RBFOX1: variants seen among roughly 807,000 people sequenced by gnomAD.
The protein encoded by RBFOX1 is RNA binding fox-1 homolog 1.
RBFOX1 carries 8 observed loss-of-function variants against 57.7 expected under a neutral mutation model. The ratio of observed to expected loss-of-function variants is 0.14; its 90% CI spans 0.08 to 0.25. The LOEUF is 0.25. Among genes scored for constraint, RBFOX1 ranks in the 10% least tolerant of loss-of-function variants. The probability of loss-of-function intolerance (pLI) is 1.00; values close to 1 mark genes in which losing one functional copy is unlikely to be tolerated. For missense variants in RBFOX1, 611 were observed against 548.5 expected, an observed-to-expected ratio of 1.11 and a Z score of -1.14; for synonymous variants, 326 against 222.4, an observed-to-expected ratio of 1.47 and a Z score of -4.15.
chr16:7,082,224 C>A (rs749838957), intron 4 of RBFOX1, among the ~76,000 whole-genome samples: 14 of 152,090 alleles, frequency 9.2e-5, no homozygotes, highest in Non-Finnish European at 1.8e-4. Context: ...ATGAATCTAC[C>A]TTCTCAGGAG....
intron 3 of RBFOX1, among the ~76,000 whole-genome samples, chr16:6,724,298 C>T: frequency 6.6e-6 from 1 of 151,426 alleles, no homozygotes; most frequent in East Asian, 2.0e-4. Flanking sequence ...TAACCTCTGC[C>T]TCCTGGCTTC....
intron 1 of RBFOX1, among the ~76,000 whole-genome samples, chr16:5,302,355 C>T (rs1221053545): frequency 6.6e-6 from 1 of 152,168 alleles, no homozygotes; most frequent in African/African-American, 2.4e-5. Context: ...GCAGCAGCAG[C>T]ATATGGTCTC....
intron 2 of RBFOX1, among the ~76,000 whole-genome samples, chr16:5,576,212 C>G (rs942070479): frequency 3.3e-5 from 5 of 152,064 alleles, no homozygotes; most frequent in African/African-American, 1.2e-4. Context: ...TTCTCAAACT[C>G]CTGACCTCAA....
At chr16:6,964,741 T>A (rs1028112225) in intron 3 of RBFOX1, among the ~76,000 whole-genome samples, 2 of 152,208 alleles carry the variant, frequency 1.3e-5, no homozygotes, top group African/African-American at 4.8e-5. Context: ...CACTTGTCCC[T>A]GCAATTCCTG....
At position 7,709,110 on chromosome 16, in the gene RBFOX1, C is replaced by T; in HGVS notation, c.1050C>T (p.Pro350=). Residue 350 remains proline (P), a synonymous_variant, in exon 15 of 16, where the codon CCC becomes CCT. Transcript: ENST00000550418. ...ACCACCACGCACTTGCTCCAGCCCC[C>T]ACCTACGGCGTTGGTGCCATGGTGA... The part of the protein sequence containing the change: ...DPYHHALAPA[P]TYGVGAMNAF... 7 of 1,613,794 alleles carry T rather than the reference C, an allele frequency of 4.3e-6. No homozygotes were observed. Among genetic ancestry groups the T allele is most frequent in the Non-Finnish European group, 5.9e-6 (7 of 1,179,784 alleles).
chr16:5,363,492 A>G (rs193166425), intron 1 of RBFOX1, among the ~76,000 whole-genome samples: 155 of 152,194 alleles, frequency 1.0e-3, no homozygotes, highest in African/African-American at 3.5e-3. Flanking sequence ...CATTTTCTCA[A>G]AAGTCCCATG....
chr16:5,970,935 A>G (rs1452484809), intron 4 of RBFOX1, among the ~76,000 whole-genome samples: 1 of 152,228 alleles, frequency 6.6e-6, no homozygotes, highest in African/African-American at 2.4e-5. Flanking sequence ...CCTAAAGCAC[A>G]TATCCCAAAC....
chr16:5,780,259 C>T (rs1332885862), intron 3 of RBFOX1, among the ~76,000 whole-genome samples: 4 of 152,222 alleles, frequency 2.6e-5, no homozygotes, highest in Non-Finnish European at 4.4e-5. Flanking sequence ...ATCTCTGCCT[C>T]CCAAAGTGTT....
At chr16:5,889,798 G>A (rs2058001645) in intron 4 of RBFOX1, among the ~76,000 whole-genome samples, 1 of 152,214 alleles carries the variant, frequency 6.6e-6, no homozygotes, top group Admixed American at 6.5e-5. Context: ...AGAGATGTAG[G>A]TGTTGGCAAG....
intron 5 of RBFOX1, among the ~76,000 whole-genome samples, chr16:7,534,354 A>C (rs1189956508): frequency 6.6e-6 from 1 of 151,900 alleles, no homozygotes; most frequent in Non-Finnish European, 1.5e-5. Context: ...CAGCCTACCA[A>C]AGTGCTGGGA....
intron 4 of RBFOX1, among the ~76,000 whole-genome samples, chr16:7,169,153 T>C (rs1223755460): frequency 6.6e-6 from 1 of 152,194 alleles, no homozygotes; most frequent in South Asian, 2.1e-4. Flanking sequence ...CACCAATAAT[T>C]GTTTCAAATT....
At chr16:7,489,983 C>T (rs1206014408) in intron 4 of RBFOX1, among the ~76,000 whole-genome samples, 2 of 152,108 alleles carry the variant, frequency 1.3e-5, no homozygotes, top group Non-Finnish European at 2.9e-5. Flanking sequence ...TCAGATGTGT[C>T]TCTCTCCAAA....
intron 3 of RBFOX1, among the ~76,000 whole-genome samples, chr16:5,792,659 G>A (rs2880433): frequency 0.75 from 114,653 of 151,974 alleles, 43,534 homozygotes; most frequent in East Asian, 0.99. Flanking sequence ...CCTGGCCAAC[G>A]TGCTGAAACC....
intron 3 of RBFOX1, among the ~76,000 whole-genome samples, chr16:6,707,581 G>A (rs959132681): frequency 2.0e-5 from 3 of 149,022 alleles, no homozygotes; most frequent in Non-Finnish European, 4.4e-5. Flanking sequence ...CCCCAAGAAG[G>A]ATTGACAGTC....
chr16:6,360,704 C>A (rs1165195482), intron 2 of RBFOX1, among the ~76,000 whole-genome samples: 1 of 152,070 alleles, frequency 6.6e-6, no homozygotes, highest in African/African-American at 2.4e-5. Context: ...ATTCATTGAC[C>A]CATCTTATGT....
At chr16:7,223,010 T>G (rs2092840901) in intron 4 of RBFOX1, among the ~76,000 whole-genome samples, 1 of 152,198 alleles carries the variant, frequency 6.6e-6, no homozygotes, top group South Asian at 2.1e-4. Flanking sequence ...CCATGAGGCT[T>G]CTCTTCCATC....
At chr16:6,895,486 ATT>A (rs1370853109) in intron 3 of RBFOX1, among the ~76,000 whole-genome samples, 967 of 91,994 alleles carry the variant, frequency 0.011, 46 homozygotes, top group Middle Eastern at 0.03. Context: ...ATATATATAT[ATT>A]TATTCCCCTA....
intron 2 of RBFOX1, among the ~76,000 whole-genome samples, chr16:6,501,168 T>G (rs1167211050): frequency 2.0e-5 from 3 of 149,570 alleles, no homozygotes; most frequent in Admixed American, 6.7e-5. Flanking sequence ...ACTTGAAGTT[T>G]TAGGGTACAT....
intron 2 of RBFOX1, among the ~76,000 whole-genome samples, chr16:6,609,335 T>C (rs570947151): frequency 6.6e-6 from 1 of 152,194 alleles, no homozygotes; most frequent in African/African-American, 2.4e-5. Flanking sequence ...AATGATTTTC[T>C]TTTTTCTCTT....
Sources: allele counts gnomAD v4.1 joint callset (sites outside exome capture counted in the v4.1 genomes callset), GRCh38; gene constraint gnomAD v4.1.1; transcripts MANE v1.5; gene names NCBI Gene and HGNC (gene_info 2026-07-23, HGNC 2026-07-21).